Variants in ZRANB3 observed in about 807,000 individuals in gnomAD.
The protein encoded by ZRANB3 is DNA annealing helicase and endonuclease ZRANB3.
ZRANB3 carries 125 observed loss-of-function variants against 133.8 expected under a neutral mutation model. The ratio of observed to expected loss-of-function variants is 0.93; its 90% CI spans 0.81 to 1.08. The LOEUF (loss-of-function observed/expected upper bound fraction) is 1.08. Ranked by LOEUF, ZRANB3 falls within the 50% of genes least tolerant of loss-of-function variation. The probability of loss-of-function intolerance (pLI) is 0.00; values close to 1 mark genes in which losing one functional copy is unlikely to be tolerated. For missense variants in ZRANB3, 1,229 were observed against 1,275.5 expected (o/e 0.96, Z 0.56); for synonymous variants, 387 against 432.7 (o/e 0.89, Z 1.31).
intron 2 of ZRANB3, among the ~76,000 whole-genome samples, chr2:135,491,962 T>G (rs1692399577): frequency 6.6e-6 from 1 of 152,070 alleles, no homozygotes. Context: ...TAACTGGGAA[T>G]AAGAAAACAA....
At chr2:135,502,304 T>A (rs2104820217) in intron 2 of ZRANB3, among the ~76,000 whole-genome samples, 1 of 152,304 alleles carries the variant, frequency 6.6e-6, no homozygotes, top group African/African-American at 2.4e-5. Context: ...CTAAAATGAA[T>A]GAATTTTGCT....
At chr2:135,221,586 G>A (rs1456970024) in intron 15 of ZRANB3, among the ~76,000 whole-genome samples, 6 of 152,220 alleles carry the variant, frequency 3.9e-5, no homozygotes, top group African/African-American at 1.4e-4. Context: ...GATTTCTGTG[G>A]TATGCTCTGC....
At chr2:135,511,767 T>C (rs1173315206) in intron 1 of ZRANB3, 1 of 763,326 alleles carries the variant, frequency 1.3e-6, no homozygotes, top group Non-Finnish European at 2.5e-6. Flanking sequence ...TGTGGATTTC[T>C]TTCTGTCCAT....
At chr2:135,271,458 A>G (rs1297345040) in intron 10 of ZRANB3, 4 of 468,388 alleles carry the variant, frequency 8.5e-6, no homozygotes, top group Non-Finnish European at 1.3e-5. Context: ...AAAAGCCTAT[A>G]CAAATTCAAA....
chr2:135,519,453 G>C (rs1171211156), intron 1 of ZRANB3, among the ~76,000 whole-genome samples: 5 of 152,122 alleles, frequency 3.3e-5, no homozygotes, highest in Admixed American at 3.3e-4. Flanking sequence ...CCAGGCTGCA[G>C]TGAGCTAAAC....
intron 1 of ZRANB3, chr2:135,530,696 T>A (rs1694521262): frequency 6.6e-6 from 1 of 152,232 alleles, no homozygotes; most frequent in Non-Finnish European, 1.5e-5. Context: ...CTACCCTTCT[T>A]CCATCACTTC....
chr2:135,408,791 C>T (rs991451393), intron 2 of ZRANB3, among the ~76,000 whole-genome samples: 5 of 148,150 alleles, frequency 3.4e-5, no homozygotes, highest in Non-Finnish European at 5.9e-5. Context: ...CACATGGAGA[C>T]AGGAAGGGGA....
At chr2:135,212,744 G>A (rs1694148729) in intron 17 of ZRANB3, among the ~76,000 whole-genome samples, 1 of 152,182 alleles carries the variant, frequency 6.6e-6, no homozygotes, top group Non-Finnish European at 1.5e-5. Context: ...GATAGGGACG[G>A]GAGTGGAAGA....
intron 2 of ZRANB3, among the ~76,000 whole-genome samples, chr2:135,419,524 T>C (rs1688742872): frequency 6.6e-6 from 1 of 152,088 alleles, no homozygotes; most frequent in Admixed American, 6.6e-5. Flanking sequence ...GTAAACTGTA[T>C]GCATCTGTAG....
At chr2:135,377,990 T>G (rs1253879672) in intron 3 of ZRANB3, among the ~76,000 whole-genome samples, 1 of 152,230 alleles carries the variant, frequency 6.6e-6, no homozygotes, top group African/African-American at 2.4e-5. Context: ...ATCTTTCTGC[T>G]GTGCTAGATG....
intron 3 of ZRANB3, among the ~76,000 whole-genome samples, chr2:135,381,008 G>A (rs1686664431): frequency 6.6e-6 from 1 of 152,116 alleles, no homozygotes; most frequent in South Asian, 2.1e-4. Flanking sequence ...GTGGGTGCAG[G>A]ACAGAGGATG....
At chr2:135,260,379 G>A (rs1035407586) in intron 12 of ZRANB3, among the ~76,000 whole-genome samples, 4 of 152,098 alleles carry the variant, frequency 2.6e-5, no homozygotes, top group African/African-American at 9.7e-5. Flanking sequence ...CTGTGCAAAA[G>A]TATCTTTCCT....
At chr2:135,295,320 A>G (rs1176535088) in intron 8 of ZRANB3, among the ~76,000 whole-genome samples, 1 of 151,960 alleles carries the variant, frequency 6.6e-6, no homozygotes, top group Non-Finnish European at 1.5e-5. Flanking sequence ...TGATCCCTTT[A>G]CCATTACATA....
At chr2:135,413,189 G>C (rs1007237378) in intron 2 of ZRANB3, among the ~76,000 whole-genome samples, 7 of 152,080 alleles carry the variant, frequency 4.6e-5, no homozygotes, top group Non-Finnish European at 1.0e-4. Context: ...ACGTGCTTCT[G>C]AACATTGCTG....
intron 12 of ZRANB3, among the ~76,000 whole-genome samples, chr2:135,244,562 C>T (rs978125833): frequency 2.6e-5 from 4 of 151,866 alleles, no homozygotes; most frequent in East Asian, 3.9e-4. Context: ...GAGCTGAGTT[C>T]GCACCATTGC....
At chr2:135,474,070 AGTCTCAGCTAC>A (rs1319291937) in intron 2 of ZRANB3, among the ~76,000 whole-genome samples, 1 of 152,012 alleles carries the variant, frequency 6.6e-6, no homozygotes, top group Non-Finnish European at 1.5e-5. Context: ...TTGCGTCTCT[AGTCTCAGCTAC>A]TTGGGAGGCT....
intron 2 of ZRANB3, among the ~76,000 whole-genome samples, chr2:135,489,582 C>T (rs147541911): frequency 1.1e-3 from 174 of 151,332 alleles, no homozygotes; most frequent in Middle Eastern, 6.8e-3. Flanking sequence ...CTCAGGGGAG[C>T]TATGGTCAAA....
chr2:135,301,358 G>T (rs908890474), intron 8 of ZRANB3, among the ~76,000 whole-genome samples: 2 of 151,852 alleles, frequency 1.3e-5, no homozygotes, highest in African/African-American at 4.8e-5. Context: ...GCTAATTTTT[G>T]TATTTTTAGT....
In ZRANB3 at chr2:135,297,770, C is replaced by T. The variant is rs1391940565; in HGVS notation, c.966+15719G>A. The stretch of plus-strand genomic sequence containing the variant: ...TGCATTAATTTGAAAGCCTTGTCTT[C>T]GATCTCTGAAGTTCTTTATTCTACT... On this transcript the variant is annotated intron_variant, in intron 8 of 20. Coordinates refer to ENST00000264159, the MANE Select transcript of ZRANB3 (RefSeq NM_032143.4). Among the ~76,000 whole-genome samples, 3 of 152,294 alleles carry T rather than the reference C, an allele frequency of 2.0e-5. No homozygotes were observed. In the East Asian group the frequency reaches 5.8e-4, roughly 29 times the overall value.
Sources: gnomAD v4.1 joint callset for allele counts (sites outside exome capture counted in the v4.1 genomes callset) on GRCh38, gnomAD v4.1.1 for gene constraint, MANE v1.5 for transcripts, NCBI Gene and HGNC (gene_info 2026-07-23, HGNC 2026-07-21) for gene names.